The following LHX8 variants were observed in gnomAD, a reference collection of about 807,000 sequenced individuals.
The protein encoded by LHX8 is LIM/homeobox protein Lhx8.
LHX8 carries 12 observed loss-of-function variants against 40.3 expected under a neutral mutation model. That is an observed-to-expected ratio of 0.30 (90% CI 0.19 to 0.48). The LOEUF (loss-of-function observed/expected upper bound fraction) is 0.48. LHX8 is among the 20% of genes least tolerant of loss of function. LHX8 has a pLI of 0.99. For missense variants in LHX8, 344 were observed against 433.7 expected (o/e 0.79, Z 1.84); for synonymous variants, 179 against 162.0 (o/e 1.10, Z -0.80).
At chr1:75,145,814 A>G (rs1482579379) in intron 6 of LHX8, among the ~76,000 whole-genome samples, 2 of 152,144 alleles carry the variant, frequency 1.3e-5, no homozygotes, top group East Asian at 3.8e-4. Flanking sequence ...TGCATAAAAT[A>G]TTTAAGCCTT....
At chr1:75,135,774 T>C (rs1383360858) in intron 1 of LHX8, among the ~76,000 whole-genome samples, 1 of 152,264 alleles carries the variant, frequency 6.6e-6, no homozygotes, top group Admixed American at 6.5e-5. Flanking sequence ...TGAGTTCTTT[T>C]AATGGCACAA....
At chr1:75,190,010 C>T in the LHX8 span, among the ~76,000 whole-genome samples, 3 of 152,196 alleles carry the variant, frequency 2.0e-5, no homozygotes, top group Admixed American at 2.0e-4. Flanking sequence ...CCCCTGCCTC[C>T]AGTTGCTCAC....
chr1:75,180,717 G>T, the LHX8 span, among the ~76,000 whole-genome samples: 22,966 of 152,076 alleles, frequency 0.15, 2,170 homozygotes, highest in South Asian at 0.23. Context: ...ATTCTCAGTC[G>T]TGCTTTGTTC....
intron 3 of LHX8, 140 bp from the exon 4 acceptor site, chr1:75,140,845 A>T (rs1453250488): frequency 1.2e-5 from 10 of 847,160 alleles, no homozygotes; most frequent in Admixed American, 2.3e-5. Context: ...ATCTTAAAAA[A>T]AAATGACATC....
Position 75,137,202 on chromosome 1 carries a change from C to T in LHX8, c.178C>T (p.Pro60Ser), listed in dbSNP as rs549689179. 21 of 1,613,484 alleles carry T rather than the reference C, an allele frequency of 1.3e-5. No homozygotes were observed. The highest frequency in any genetic ancestry group is 1.8e-5 in the Non-Finnish European group (21 of 1,179,990). The change falls in exon 3 of 9, where the codon CCT (proline) becomes TCT (serine). Residue 60 changes from proline (P) to serine (S), a missense_variant. Physicochemically the swap from Pro to Ser is moderately conservative, Grantham distance 74 (BLOSUM62 -1). This residue lies in a region of LHX8 where 108 missense variants were observed against 90.1 expected (regional missense o/e 1.20). Coordinates refer to ENST00000356261, the MANE Select transcript of LHX8 (RefSeq NM_001256114.2). The part of the protein sequence containing the change: ...RSMASGSGCP[P>S]GKCVCNSCGL... ...CATGGCCTCGGGCTCCGGCTGCCCT[C>T]CTGGCAAGTGTGTGTGCAACAGTTG...
At chr1:75,136,964 T>C in intron 2 of LHX8, 136 bp from the exon 3 acceptor site, 1 of 965,732 alleles carries the variant, frequency 1.0e-6, no homozygotes, top group South Asian at 1.8e-5. Context: ...GCGAGAATCG[T>C]GACCTCAAGA....
At chr1:75,193,661 A>G in the LHX8 span, among the ~76,000 whole-genome samples, 6 of 152,216 alleles carry the variant, frequency 3.9e-5, no homozygotes, top group Admixed American at 2.6e-4. Context: ...TCTCTTCACA[A>G]TATAACTCCA....
In LHX8 at chr1:75,136,663, C is replaced by T. The variant is rs1414870487; in HGVS notation, c.49C>T (p.Arg17Cys). The change falls in exon 2 of 9, where the codon CGC becomes TGC. Residue 17 changes from arginine (R) to cysteine (C), a missense_variant. Coordinates refer to ENST00000356261, the MANE Select transcript of LHX8 (RefSeq NM_001256114.2). ...RTTALAAGRTRKGAGEEGLVS... is the reference protein window; with the variant it reads ...RTTALAAGRTCKGAGEEGLVS... ...TACAGCCCTGGCGGCCGGGAGGACTCGCAAAGGCGCCGGGGAAGAGGGACT... is the reference window on the plus strand; with the variant it reads ...TACAGCCCTGGCGGCCGGGAGGACTTGCAAAGGCGCCGGGGAAGAGGGACT... 6.5e-7 allele frequency: 1 copy of T among 1,547,988 alleles called. No homozygotes were observed. Among genetic ancestry groups the T allele is most frequent in the South Asian group, 1.2e-5 (1 of 84,046 alleles).
chr1:75,146,487 A>G (rs1231813510), intron 6 of LHX8, among the ~76,000 whole-genome samples: 3 of 152,134 alleles, frequency 2.0e-5, no homozygotes, highest in Non-Finnish European at 4.4e-5. Context: ...AAACACGCCA[A>G]AGTTAGCTCC....
chr1:75,138,086 T>TG (rs1349480645), intron 3 of LHX8, among the ~76,000 whole-genome samples: 1 of 152,156 alleles, frequency 6.6e-6, no homozygotes, highest in Non-Finnish European at 1.5e-5. Context: ...TAAAATATTG[T>TG]GGGGGAATTT....
downstream of LHX8, among the ~76,000 whole-genome samples, chr1:75,165,147 A>G (rs1649005287): frequency 6.6e-6 from 1 of 152,088 alleles, no homozygotes; most frequent in African/African-American, 2.4e-5. Context: ...CTGGCACTCT[A>G]TCATATTCTG....
intron 8 of LHX8, chr1:75,160,269 G>A (rs1275619256): frequency 6.5e-6 from 1 of 153,400 alleles, no homozygotes; most frequent in South Asian, 2.0e-4. Flanking sequence ...AAGCAACATA[G>A]CCCTTGCTGA....
chr1:75,150,312 C>CA (rs946834761), intron 7 of LHX8, among the ~76,000 whole-genome samples: 3 of 152,124 alleles, frequency 2.0e-5, no homozygotes, highest in Non-Finnish European at 4.4e-5. Flanking sequence ...ATGTGAAAGT[C>CA]AAAAGAAAGC....
At chr1:75,192,117 G>A in the LHX8 span, among the ~76,000 whole-genome samples, 2 of 152,238 alleles carry the variant, frequency 1.3e-5, no homozygotes, top group Non-Finnish European at 2.9e-5. Flanking sequence ...TCATATAGTT[G>A]TTTTAAGTGA....
intron 7 of LHX8, 79 bp from the exon 8 acceptor site, chr1:75,156,814 C>G: frequency 7.5e-7 from 1 of 1,336,748 alleles, no homozygotes; most frequent in South Asian, 1.2e-5. Flanking sequence ...AGGTTGCATT[C>G]ATTTTTTAAC....
intron 8 of LHX8, among the ~76,000 whole-genome samples, chr1:75,157,651 C>G (rs566900532): frequency 6.6e-6 from 1 of 152,292 alleles, no homozygotes; most frequent in Non-Finnish European, 1.5e-5. Context: ...TAAAACCACC[C>G]TTTAGTTTTG....
downstream of LHX8, among the ~76,000 whole-genome samples, chr1:75,166,301 C>T (rs2100373634): frequency 6.6e-6 from 1 of 152,308 alleles, no homozygotes; most frequent in East Asian, 1.9e-4. Context: ...ACATTAACTC[C>T]CTTCTTGATC....
the LHX8 span, among the ~76,000 whole-genome samples, chr1:75,188,238 A>C: frequency 4.0e-5 from 6 of 151,798 alleles, no homozygotes; most frequent in African/African-American, 1.5e-4. Context: ...AGGGCTTTTT[A>C]TCCAGGGCAG....
chr1:75,150,803 A>T (rs1404604962), intron 7 of LHX8, among the ~76,000 whole-genome samples: 1 of 149,928 alleles, frequency 6.7e-6, no homozygotes, highest in African/African-American at 2.5e-5. Context: ...CAGCCTTCTG[A>T]GTAGCTGGGA....
Sources: gnomAD v4.1 joint callset for allele counts (sites outside exome capture counted in the v4.1 genomes callset) on GRCh38, gnomAD v4.1.1 for gene constraint, gnomAD v4.1.1 regional missense constraint, MANE v1.5 for transcripts, NCBI Gene and HGNC (gene_info 2026-07-23, HGNC 2026-07-21) for gene names.